Variants in VPS41 observed in about 807,000 individuals in gnomAD.
The protein encoded by VPS41 is vacuolar protein sorting-associated protein 41 homolog.
In VPS41, 85 loss-of-function variants were observed where a neutral mutation model predicts 130.9. The ratio of observed to expected loss-of-function variants is 0.65; its 90% CI spans 0.55 to 0.78. The LOEUF (loss-of-function observed/expected upper bound fraction) is 0.78. Ranked by LOEUF, VPS41 falls within the 30% of genes least tolerant of loss-of-function variation. VPS41 has a pLI of 0.00. For missense variants in VPS41, 874 were observed against 1,018.7 expected (o/e 0.86, Z 1.93); for synonymous variants, 335 against 332.9 (o/e 1.01, Z -0.07).
chr7:38,887,601 C>T (rs1786762562), intron 2 of VPS41, among the ~76,000 whole-genome samples: 1 of 152,110 alleles, frequency 6.6e-6, no homozygotes, highest in Admixed American at 6.5e-5. Flanking sequence ...TTGGAAAACA[C>T]TCTTCAGGGT....
intron 1 of VPS41, among the ~76,000 whole-genome samples, chr7:38,906,463 G>C (rs1584457494): frequency 6.6e-6 from 1 of 151,876 alleles, no homozygotes; most frequent in Non-Finnish European, 1.5e-5. Flanking sequence ...TCCCACCTCA[G>C]CCTCCCGAGT....
intron 4 of VPS41, 73 bp downstream of exon 4, chr7:38,862,472 T>C (rs1786137553): frequency 1.1e-6 from 1 of 949,942 alleles, no homozygotes; most frequent in Non-Finnish European, 1.6e-6. Flanking sequence ...AACAAACTGG[T>C]AAACCAATAT....
rs536118667 is a variant in VPS41, at chr7:38,760,562, T to G, written c.1423-2081A>C. 1.4e-3 allele frequency among the ~76,000 whole-genome samples: 186 copies of G among 130,790 alleles called. 1 individual carries two copies. The highest frequency in any genetic ancestry group is 5.4e-3 in the African/African-American group (178 of 32,752). The allele number at this position is 130,790 out of a possible 152,430, so 85.8% of individuals were successfully genotyped here. ...GCCTCATTGCTTACTCTCCCCCTAC[T>G]TATTTATTTATTTATTTTTAAAATT... is the stretch of plus-strand genomic sequence containing the variant. On this transcript the variant is annotated intron_variant, in intron 17 of 28. Transcript: ENST00000310301.
chr7:38,831,069 A>C (rs545060332), intron 4 of VPS41: 44 of 379,398 alleles, frequency 1.2e-4, no homozygotes, highest in African/African-American at 9.3e-4. Flanking sequence ...GAGAAGTCTA[A>C]ATGTTCAACT....
intron 4 of VPS41, among the ~76,000 whole-genome samples, chr7:38,844,246 A>C (rs1785675756): frequency 6.6e-6 from 1 of 152,250 alleles, no homozygotes; most frequent in Non-Finnish European, 1.5e-5. Flanking sequence ...GCAGTGCTTC[A>C]AGTAGCTTTA....
intron 4 of VPS41, among the ~76,000 whole-genome samples, chr7:38,861,754 A>G (rs1298217158): frequency 6.6e-6 from 1 of 152,186 alleles, no homozygotes. Flanking sequence ...TGGTTGTGTC[A>G]TATTTACACA....
At chr7:38,729,497 T>C (rs13230196) in intron 25 of VPS41, among the ~76,000 whole-genome samples, 16,612 of 152,238 alleles carry the variant, frequency 0.11, 1,084 homozygotes, top group African/African-American at 0.17. Context: ...TGACCATGAA[T>C]ACAAATATTC....
In VPS41 at chr7:38,857,483, T is replaced by C. The variant is rs941423918; in HGVS notation, c.246+5062A>G. Among the ~76,000 whole-genome samples the C allele has an allele frequency of 1.1e-4, 17 of 152,316 alleles. 1 individual carries two copies. The East Asian group carries it at 3.1e-3, about 28-fold the overall frequency. On this transcript the variant is annotated intron_variant, in intron 4 of 28. Coordinates refer to ENST00000310301, the MANE Select transcript of VPS41 (RefSeq NM_014396.4). ...TAAAGGAATAAATATTTAAAACACA[T>C]GGCATAATGCTCCTAAATATTTAAC...
At chr7:38,872,720 TA>T (rs1486591943) in intron 2 of VPS41, among the ~76,000 whole-genome samples, 3 of 152,062 alleles carry the variant, frequency 2.0e-5, no homozygotes, top group African/African-American at 7.2e-5. Context: ...GACCTGTTTT[TA>T]ACAGAAAATA....
In VPS41 at chr7:38,725,920, T is replaced by C. The variant is rs1242267840; in HGVS notation, c.*326A>G. 2 of 184,130 alleles carry C rather than the reference T, an allele frequency of 1.1e-5. No homozygotes were observed. The highest frequency in any genetic ancestry group is 1.4e-4 in the East Asian group (1 of 7,392). 11.4% of individuals were successfully genotyped at this position (184,130 alleles called of 1,614,324 possible). Reference sequence around the variant, plus strand: ...GGAGAATTCTCAGTTGTCCATTTTATGGTTAAATGGTTTTACTAAGGTCTA... The same window carrying C: ...GGAGAATTCTCAGTTGTCCATTTTACGGTTAAATGGTTTTACTAAGGTCTA... On this transcript the variant is annotated 3_prime_UTR_variant, in exon 29 of 29. Coordinates refer to ENST00000310301, the MANE Select transcript of VPS41 (RefSeq NM_014396.4).
chr7:38,800,888 T>C (rs1312542411), intron 7 of VPS41, among the ~76,000 whole-genome samples: 7 of 152,180 alleles, frequency 4.6e-5, no homozygotes, highest in Admixed American at 4.6e-4. Context: ...AGAAGTAATG[T>C]TTGAGGCATA....
intron 11 of VPS41, chr7:38,775,651 G>A (rs1468070687): frequency 6.6e-6 from 1 of 152,076 alleles, no homozygotes; most frequent in Non-Finnish European, 1.5e-5. Flanking sequence ...AGGTCTGAGT[G>A]TTCACTTAAG....
chr7:38,908,136 T>C (rs2116472291), intron 1 of VPS41, among the ~76,000 whole-genome samples: 1 of 152,306 alleles, frequency 6.6e-6, no homozygotes, highest in East Asian at 1.9e-4. Context: ...TTGAACTAGG[T>C]AAATGACTCT....
At chr7:38,789,955 T>A in intron 9 of VPS41, 88 bp from the exon 10 acceptor site, 1 of 1,392,304 alleles carries the variant, frequency 7.2e-7, no homozygotes, top group Non-Finnish European at 1.0e-6. Context: ...TTTGTTAAAT[T>A]AACCTTGTAG....
rs142977554 is a variant in VPS41 at position 38,802,974 on chromosome 7, T to C, written c.451-6110A>G. On this transcript the variant is annotated intron_variant, in intron 7 of 28. Transcript: ENST00000310301. ...AAGCTGTTTCCAAGAGGTCTATTTT[T>C]TTGTTGGAAAAAGTATTTTAGGGCT... is the stretch of plus-strand genomic sequence containing the variant. 1.5e-3 allele frequency among the ~76,000 whole-genome samples: 231 copies of C among 152,354 alleles called. 1 individual carries two copies. The highest frequency in any genetic ancestry group is 2.1e-3 in the Non-Finnish European group (140 of 68,032).
intron 5 of VPS41, among the ~76,000 whole-genome samples, chr7:38,821,475 G>A (rs947439390): frequency 2.0e-5 from 3 of 152,188 alleles, no homozygotes; most frequent in Admixed American, 6.5e-5. Context: ...GGCAGAGGCC[G>A]AGGTGGGTGG....
intron 10 of VPS41, 121 bp from the exon 11 acceptor site, chr7:38,776,897 C>T (rs937175903): frequency 9.5e-6 from 5 of 528,214 alleles, no homozygotes; most frequent in African/African-American, 7.5e-5. Context: ...GTAAAGGGGA[C>T]ACCGTTGAAC....
chr7:38,897,787 G>A (rs536805428), intron 2 of VPS41, among the ~76,000 whole-genome samples: 1 of 152,250 alleles, frequency 6.6e-6, no homozygotes, highest in African/African-American at 2.4e-5. Flanking sequence ...GCAGGTGAGG[G>A]GGATGTTAAA....
At chr7:38,739,741 A>G (rs1395961271) in intron 25 of VPS41, among the ~76,000 whole-genome samples, 2 of 152,164 alleles carry the variant, frequency 1.3e-5, no homozygotes, top group Non-Finnish European at 2.9e-5. Context: ...CCCTCTGAGA[A>G]GCCACCCCTT....
Sources: gnomAD v4.1 joint callset for allele counts (sites outside exome capture counted in the v4.1 genomes callset) on GRCh38, gnomAD v4.1.1 for gene constraint, MANE v1.5 for transcripts, NCBI Gene and HGNC (gene_info 2026-07-23, HGNC 2026-07-21) for gene names.